The following DEPDC1B variants were observed in gnomAD, a reference collection of about 807,000 sequenced individuals.
The protein encoded by DEPDC1B is DEP domain containing 1B, also known as DEP domain-containing protein 1B.
In DEPDC1B, 51 loss-of-function variants were observed where a neutral mutation model predicts 66.5. The observed-to-expected ratio is 0.77, with a 90% CI of 0.61 to 0.97. The LOEUF is 0.97. DEPDC1B is among the 50% of genes least tolerant of loss of function. The probability of loss-of-function intolerance (pLI) is 0.00; values close to 1 mark genes in which losing one functional copy is unlikely to be tolerated. For missense variants in DEPDC1B, 552 were observed against 637.1 expected, an observed-to-expected ratio of 0.87 and a Z score of 1.44; for synonymous variants, 226 against 223.6, an observed-to-expected ratio of 1.01 and a Z score of -0.10.
In DEPDC1B at chr5:60,597,844, G is replaced by A; in HGVS notation, c.1499C>T (p.Pro500Leu). 6.2e-7 allele frequency: 1 copy of A among 1,613,356 alleles called. No homozygotes were observed. The highest frequency in any genetic ancestry group is 1.1e-5 in the South Asian group (1 of 91,024). The change falls in exon 11 of 11, where the codon CCT (proline) becomes CTT (leucine). Residue 500 changes from proline to leucine, a missense_variant. Physicochemically the swap from Pro to Leu is moderately conservative, Grantham distance 98. Coordinates refer to ENST00000265036, the MANE Select transcript of DEPDC1B (RefSeq NM_018369.3). ...PTPESAALLFPEKPKPKPQLL... is the reference protein window; with the variant it reads ...PTPESAALLFLEKPKPKPQLL... ...CTGTGGTTTCGGTTTGGGTTTTTCA[G>A]GAAACAGAAGTGCTGCACTTTCTGG...
intron 1 of DEPDC1B, chr5:60,689,096 A>T: frequency 2.2e-6 from 1 of 456,156 alleles, no homozygotes; most frequent in Non-Finnish European, 4.4e-6. Context: ...ACTTGAGTTC[A>T]AATCCCAGTT....
At chr5:60,670,225 A>T (rs1437413892) in intron 2 of DEPDC1B, among the ~76,000 whole-genome samples, 1 of 152,198 alleles carries the variant, frequency 6.6e-6, no homozygotes, top group African/African-American at 2.4e-5. Context: ...TCTACTAAAA[A>T]TACAAAAAAT....
chr5:60,625,173 C>T (rs1752785014), intron 7 of DEPDC1B, among the ~76,000 whole-genome samples: 1 of 152,118 alleles, frequency 6.6e-6, no homozygotes, highest in African/African-American at 2.4e-5. Context: ...GGTTCCGAGT[C>T]TTTGCTATTG....
chr5:60,646,052 T>A (rs1205576529), intron 3 of DEPDC1B, among the ~76,000 whole-genome samples: 1 of 152,272 alleles, frequency 6.6e-6, no homozygotes, highest in African/African-American at 2.4e-5. Context: ...GTCTATTTTT[T>A]ATAAGCAAAT....
At chr5:60,657,994 C>T (rs996283209) in intron 2 of DEPDC1B, among the ~76,000 whole-genome samples, 6 of 152,066 alleles carry the variant, frequency 3.9e-5, no homozygotes, top group Non-Finnish European at 8.8e-5. Context: ...TTTTTTAATT[C>T]TTTTTTTCTT....
chr5:60,675,983 ACTGGCAC>A (rs960453677), intron 2 of DEPDC1B, among the ~76,000 whole-genome samples: 4 of 149,422 alleles, frequency 2.7e-5, no homozygotes, highest in African/African-American at 9.9e-5. Context: ...CCTGGAATGC[ACTGGCAC>A]AATCTCGGCT....
In DEPDC1B at chr5:60,672,713, G is replaced by T. The variant is rs565712842; in HGVS notation, c.314+14249C>A. 4.0e-4 allele frequency among the ~76,000 whole-genome samples: 61 copies of T among 152,290 alleles called. 1 individual carries two copies. The South Asian group carries it at 0.011, about 27-fold the overall frequency. ...ATGTTAGCAGTCTTACTTTGTAGAT[G>T]AGGTCACAGAGATTCAGAGAGTGTC... is the stretch of plus-strand genomic sequence containing the variant. On this transcript the variant is annotated intron_variant, in intron 2 of 10. Coordinates refer to ENST00000265036, the MANE Select transcript of DEPDC1B (RefSeq NM_018369.3).
rs1752935213 is a variant in DEPDC1B at position 60,631,990 on chromosome 5, A to T, written c.898+6760T>A. Among the ~76,000 whole-genome samples the T allele has an allele frequency of 2.0e-5, 3 of 152,184 alleles. No homozygotes were observed. In the South Asian group the frequency reaches 6.2e-4, roughly 32 times the overall value. ...CATTCCTGGTGTACGTAATGTCAAAACTGTTCAACATGAATGATGTCCTGT... is the reference window on the plus strand; with the variant it reads ...CATTCCTGGTGTACGTAATGTCAAATCTGTTCAACATGAATGATGTCCTGT... On this transcript the variant is annotated intron_variant, in intron 7 of 10. Coordinates refer to ENST00000265036, the MANE Select transcript of DEPDC1B (RefSeq NM_018369.3).
intron 7 of DEPDC1B, among the ~76,000 whole-genome samples, chr5:60,637,192 T>A (rs1318518831): frequency 1.3e-5 from 2 of 152,282 alleles, no homozygotes; most frequent in South Asian, 4.2e-4. Context: ...CCAAATCTCA[T>A]GTTGAAAGGT....
intron 3 of DEPDC1B, among the ~76,000 whole-genome samples, chr5:60,646,627 G>C (rs1175686740): frequency 4.6e-5 from 7 of 152,148 alleles, no homozygotes; most frequent in African/African-American, 1.4e-4. Context: ...TCTTCTTCTT[G>C]TTATTCCCTG....
intron 7 of DEPDC1B, among the ~76,000 whole-genome samples, chr5:60,632,721 T>C (rs1025051956): frequency 2.0e-5 from 3 of 152,064 alleles, no homozygotes; most frequent in African/African-American, 4.8e-5. Flanking sequence ...CTAGCAGGGG[T>C]CCCTCTAGGC....
chr5:60,629,442 G>C (rs1752876174), intron 7 of DEPDC1B, among the ~76,000 whole-genome samples: 1 of 152,114 alleles, frequency 6.6e-6, no homozygotes, highest in Non-Finnish European at 1.5e-5. Flanking sequence ...TGTGTATACT[G>C]ACTTAAATTC....
chr5:60,640,222 C>G (rs989958186), intron 6 of DEPDC1B, among the ~76,000 whole-genome samples: 2 of 152,202 alleles, frequency 1.3e-5, no homozygotes, highest in African/African-American at 4.8e-5. Flanking sequence ...CCTGCTCTGA[C>G]ATATCCCAAG....
At chr5:60,634,291 G>A (rs548292674) in intron 7 of DEPDC1B, among the ~76,000 whole-genome samples, 22 of 152,318 alleles carry the variant, frequency 1.4e-4, no homozygotes, top group African/African-American at 5.1e-4. Context: ...GACACATACA[G>A]CAGACTTCCT....
chr5:60,653,550 GTTAT>G (rs1268148193), intron 2 of DEPDC1B, among the ~76,000 whole-genome samples: 3 of 152,098 alleles, frequency 2.0e-5, no homozygotes, highest in African/African-American at 2.4e-5. Context: ...TACTCTGTGG[GTTAT>G]TTGTTTACTC....
At chr5:60,691,873 A>T (rs1754553893) in intron 1 of DEPDC1B, among the ~76,000 whole-genome samples, 1 of 152,222 alleles carries the variant, frequency 6.6e-6, no homozygotes, top group African/African-American at 2.4e-5. Flanking sequence ...GATGTCAAAG[A>T]GATGTCTGCA....
chr5:60,598,943 G>T (rs1187136568), intron 10 of DEPDC1B, 132 bp downstream of exon 10: 3 of 693,536 alleles, frequency 4.3e-6, no homozygotes, highest in Non-Finnish European at 6.8e-6. Flanking sequence ...CTTCTAGAAT[G>T]TATGAACTAA....
In DEPDC1B at chr5:60,599,265, G is replaced by A. The variant is rs763541216; in HGVS notation, c.1243-5C>T. 6.3e-6 allele frequency: 10 copies of A among 1,584,546 alleles called. No individual in the cohort carries two copies. Among genetic ancestry groups the A allele is most frequent in the East Asian group, 2.3e-5 (1 of 44,416 alleles). ...ATCAGCTCCTGGGTATTTTATCTGA[G>A]GCAAAAGGATTAGTAGTGAAAGAAT... is the stretch of plus-strand genomic sequence containing the variant. On this transcript the variant is annotated splice_polypyrimidine_tract_variant and splice_region_variant and intron_variant, in intron 9 of 10. Transcript: ENST00000265036.
chr5:60,673,280 C>T (rs1258840802), intron 2 of DEPDC1B, among the ~76,000 whole-genome samples: 3 of 152,158 alleles, frequency 2.0e-5, no homozygotes, highest in Non-Finnish European at 4.4e-5. Flanking sequence ...GCATGTGAAA[C>T]AATAAATTCG....
Sources: allele counts gnomAD v4.1 joint callset (sites outside exome capture counted in the v4.1 genomes callset), GRCh38; gene constraint gnomAD v4.1.1; transcripts MANE v1.5; gene names NCBI Gene and HGNC (gene_info 2026-07-23, HGNC 2026-07-21).